The following GRID2 variants were observed in gnomAD, a reference collection of about 807,000 sequenced individuals.
GRID2 encodes the protein glutamate ionotropic receptor delta type subunit 2, also known as glutamate receptor ionotropic, delta-2.
Under a neutral mutation model 114.8 loss-of-function variants are expected in GRID2, and 33 were observed. The ratio of observed to expected loss-of-function variants is 0.29; its 90% confidence interval spans 0.22 to 0.38. The LOEUF (loss-of-function observed/expected upper bound fraction) is 0.38, where lower values mean the gene tolerates loss of function less well. Ranked by LOEUF, GRID2 falls within the 10% of genes least tolerant of loss-of-function variation. GRID2 has a pLI of 1.00. For synonymous variants in GRID2, 505 were observed against 449.9 expected (o/e 1.12, Z -1.55); for missense variants, 1,184 against 1,257.7 (o/e 0.94, Z 0.89).
intron 11 of GRID2, among the ~76,000 whole-genome samples, chr4:93,469,193 A>G (rs973505870): frequency 4.7e-4 from 72 of 152,248 alleles, no homozygotes; most frequent in African/African-American, 1.6e-3. Flanking sequence ...GAGAGAAAGC[A>G]AAAGTACAGG....
At chr4:92,784,343 C>T (rs1739221080) in intron 2 of GRID2, among the ~76,000 whole-genome samples, 3 of 151,790 alleles carry the variant, frequency 2.0e-5, no homozygotes, top group Admixed American at 6.6e-5. Context: ...ATTCCCTTAA[C>T]AAAAACTTCA....
At chr4:93,423,503 C>A (rs867724900) in intron 10 of GRID2, among the ~76,000 whole-genome samples, 5 of 151,352 alleles carry the variant, frequency 3.3e-5, no homozygotes, top group African/African-American at 1.2e-4. Flanking sequence ...CCCGCCCCCA[C>A]GCCCAGCTAA....
chr4:93,741,543 TGCTG>T (rs1218826551), intron 14 of GRID2, among the ~76,000 whole-genome samples: 1 of 152,118 alleles, frequency 6.6e-6, no homozygotes, highest in Non-Finnish European at 1.5e-5. Flanking sequence ...AATAATGAAA[TGCTG>T]GCATTAACAG....
At chr4:92,788,309 T>C (rs1739415370) in intron 2 of GRID2, among the ~76,000 whole-genome samples, 1 of 151,850 alleles carries the variant, frequency 6.6e-6, no homozygotes, top group Non-Finnish European at 1.5e-5. Flanking sequence ...AGGAAATTAT[T>C]GTTGACCTTA....
intron 8 of GRID2, among the ~76,000 whole-genome samples, chr4:93,272,510 C>T (rs971606497): frequency 3.3e-5 from 5 of 152,114 alleles, no homozygotes; most frequent in Admixed American, 6.6e-5. Flanking sequence ...GATGCTCTAG[C>T]GCAAGGGAGT....
At chr4:93,238,568 A>G (rs1747087012) in intron 8 of GRID2, 78 bp downstream of exon 8, 1 of 1,253,096 alleles carries the variant, frequency 8.0e-7, no homozygotes, top group South Asian at 1.3e-5. Context: ...CAGTATGATC[A>G]CAGTACCCAT....
At chr4:92,686,900 G>A (rs1425120448) in intron 2 of GRID2, among the ~76,000 whole-genome samples, 1 of 151,968 alleles carries the variant, frequency 6.6e-6, no homozygotes. Context: ...CAAAAAATAT[G>A]TGTTTCAGCA....
At chr4:93,687,191 G>T (rs571328782) in intron 14 of GRID2, among the ~76,000 whole-genome samples, 1 of 152,102 alleles carries the variant, frequency 6.6e-6, no homozygotes, top group South Asian at 2.1e-4. Context: ...AATAAAGGAT[G>T]TCTCTCAAAT....
At chr4:93,123,104 C>T (rs1187779042) in intron 4 of GRID2, among the ~76,000 whole-genome samples, 1 of 151,842 alleles carries the variant, frequency 6.6e-6, no homozygotes, top group Non-Finnish European at 1.5e-5. Context: ...TCTAAACTTC[C>T]AAATAAAACA....
At chr4:93,571,584 A>G (rs930993276) in intron 13 of GRID2, among the ~76,000 whole-genome samples, 4 of 152,118 alleles carry the variant, frequency 2.6e-5, no homozygotes, top group Non-Finnish European at 4.4e-5. Context: ...AAAATTTATG[A>G]CAGTTTCAGG....
intron 1 of GRID2, among the ~76,000 whole-genome samples, chr4:92,400,769 A>G (rs1730751570): frequency 1.3e-5 from 2 of 152,042 alleles, no homozygotes; most frequent in Non-Finnish European, 2.9e-5. Flanking sequence ...ACAAACACTT[A>G]TTGCATGCCT....
chr4:93,130,035 A>G lies in GRID2; in HGVS notation c.735+19082A>G, dbSNP rs537400799. On this transcript the variant is annotated intron_variant, in intron 4 of 15. Coordinates refer to ENST00000282020, the MANE Select transcript of GRID2 (RefSeq NM_001510.4). Reference sequence around the variant, plus strand: ...CCTTCAGGCTGCCAGACATAGAATGACATAGCTGAGATGGCTGAAAACATG... The same window carrying G: ...CCTTCAGGCTGCCAGACATAGAATGGCATAGCTGAGATGGCTGAAAACATG... 3.9e-5 allele frequency among the ~76,000 whole-genome samples: 6 copies of G among 152,322 alleles called. No homozygotes were observed. The East Asian group carries it at 9.6e-4, about 24-fold the overall frequency.
chr4:93,279,287 G>A (rs1752400006), intron 8 of GRID2, among the ~76,000 whole-genome samples: 2 of 151,534 alleles, frequency 1.3e-5, no homozygotes, highest in South Asian at 2.1e-4. Flanking sequence ...ACTTCACTTA[G>A]GCACACTACG....
intron 1 of GRID2, among the ~76,000 whole-genome samples, chr4:92,557,825 A>C (rs1051067845): frequency 3.9e-5 from 6 of 152,118 alleles, no homozygotes; most frequent in African/African-American, 1.4e-4. Flanking sequence ...TGAAGGCTAC[A>C]CCTAAGTAGC....
intron 2 of GRID2, among the ~76,000 whole-genome samples, chr4:92,727,133 T>G (rs1346083494): frequency 6.6e-6 from 1 of 152,072 alleles, no homozygotes; most frequent in Non-Finnish European, 1.5e-5. Flanking sequence ...TCCCTATGTA[T>G]TTGTATATAC....
At chr4:93,261,791 T>A (rs1750281989) in intron 8 of GRID2, among the ~76,000 whole-genome samples, 1 of 151,818 alleles carries the variant, frequency 6.6e-6, no homozygotes. Flanking sequence ...TTTGGCAAAC[T>A]TTTTCTGTAA....
At chr4:92,566,212 G>T (rs371289605) in intron 1 of GRID2, among the ~76,000 whole-genome samples, 1 of 151,832 alleles carries the variant, frequency 6.6e-6, no homozygotes, top group African/African-American at 2.4e-5. Context: ...TCAATGGAGA[G>T]CATCTCAAAA....
intron 1 of GRID2, among the ~76,000 whole-genome samples, chr4:92,411,625 A>ATGTGTG (rs751440294): frequency 5.3e-4 from 56 of 105,708 alleles, no homozygotes; most frequent in Non-Finnish European, 8.2e-4. Context: ...ATATATATGC[A>ATGTGTG]TGTGTGTGTG....
intron 10 of GRID2, among the ~76,000 whole-genome samples, chr4:93,440,076 CAGG>C (rs1580089931): frequency 1.3e-5 from 2 of 151,980 alleles, no homozygotes; most frequent in Non-Finnish European, 2.9e-5. Context: ...CCACTGGGAT[CAGG>C]AGAAGGTCCT....
Sources: gnomAD v4.1 joint callset for allele counts (sites outside exome capture counted in the v4.1 genomes callset) on GRCh38, gnomAD v4.1.1 for gene constraint, MANE v1.5 for transcripts, NCBI Gene and HGNC (gene_info 2026-07-23, HGNC 2026-07-21) for gene names.